Variants in SOS1 observed in about 807,000 individuals in gnomAD.
SOS1 encodes the protein SOS Ras/Rac guanine nucleotide exchange factor 1, also known as son of sevenless homolog 1.
SOS1 carries 25 observed loss-of-function variants against 157.6 expected under a neutral mutation model. The ratio of observed to expected loss-of-function variants is 0.16; its 90% CI spans 0.12 to 0.22. The LOEUF (loss-of-function observed/expected upper bound fraction) is 0.22, where lower values mean the gene tolerates loss of function less well. Among genes scored for constraint, SOS1 ranks in the 10% least tolerant of loss-of-function variants. The pLI, the probability that SOS1 is intolerant of heterozygous loss-of-function variation, is 1.00. For synonymous variants in SOS1, 528 were observed against 534.0 expected (o/e 0.99, Z 0.16); for missense variants, 1,237 against 1,599.1 (o/e 0.77, Z 3.86).
chr2:39,032,780 G>A (rs1037161266), intron 8 of SOS1, among the ~76,000 whole-genome samples: 4 of 152,130 alleles, frequency 2.6e-5, no homozygotes, highest in Non-Finnish European at 4.4e-5. Context: ...TGGCCTACAT[G>A]GTGAAACCCT....
rs10655655 is a variant in SOS1, at chr2:38,985,422, G to GT, written c.*401dup. On this transcript the variant is annotated 3_prime_UTR_variant, in exon 23 of 23. Transcript: ENST00000402219. ...GGAAGATATTAAGATCCCTGTTTAA[G>GT]TTTTTTTTTTTAAAAGTGCATAATT... 2.9e-3 allele frequency: 268 copies of GT among 91,584 alleles called. No homozygotes were observed. The highest frequency in any genetic ancestry group is 5.3e-3 in the East Asian group (25 of 4,736). 5.7% of individuals were successfully genotyped at this position (91,584 alleles called of 1,614,324 possible). A position where few individuals can be genotyped will look rare whatever the true frequency, so the allele number is the denominator to read the frequency against.
At chr2:38,999,443 TCAG>T (rs1274994066) in intron 17 of SOS1, among the ~76,000 whole-genome samples, 1 of 152,152 alleles carries the variant, frequency 6.6e-6, no homozygotes, top group East Asian at 1.9e-4. Context: ...ATTGAACAGA[TCAG>T]CAATAATGAA....
At chr2:39,069,000 C>T (rs899293683) in intron 1 of SOS1, among the ~76,000 whole-genome samples, 8 of 152,084 alleles carry the variant, frequency 5.3e-5, no homozygotes, top group Non-Finnish European at 1.5e-5. Flanking sequence ...TCCTACTACA[C>T]TTCATTAGCT....
chr2:38,988,245 C>G (rs751343591), intron 21 of SOS1, among the ~76,000 whole-genome samples: 1 of 152,024 alleles, frequency 6.6e-6, no homozygotes, highest in Non-Finnish European at 1.5e-5. Flanking sequence ...GCAGCCCTGA[C>G]CATGAAAACA....
At chr2:39,104,823 A>G (rs1189499882) in intron 1 of SOS1, among the ~76,000 whole-genome samples, 2 of 152,210 alleles carry the variant, frequency 1.3e-5, no homozygotes, top group East Asian at 3.8e-4. Flanking sequence ...AAAAATACAA[A>G]TATTTTATTA....
chr2:38,987,165 T>A (rs980848166), intron 22 of SOS1, among the ~76,000 whole-genome samples: 2 of 152,190 alleles, frequency 1.3e-5, no homozygotes, highest in Non-Finnish European at 2.9e-5. Flanking sequence ...CTTCAGGACT[T>A]TCTCTGTATG....
chr2:39,099,908 G>A (rs1210856137), intron 1 of SOS1, among the ~76,000 whole-genome samples: 2 of 151,996 alleles, frequency 1.3e-5, no homozygotes, highest in African/African-American at 4.8e-5. Context: ...GTAGAGATGG[G>A]GTTTCCCCAT....
At chr2:39,031,244 G>A (rs1302625403) in intron 8 of SOS1, among the ~76,000 whole-genome samples, 3 of 152,156 alleles carry the variant, frequency 2.0e-5, no homozygotes, top group African/African-American at 7.2e-5. Flanking sequence ...CTTTCCCCTA[G>A]GTTACAAGGA....
chr2:39,061,355 A>T (rs1671396218), intron 2 of SOS1, among the ~76,000 whole-genome samples: 1 of 151,686 alleles, frequency 6.6e-6, no homozygotes, highest in Non-Finnish European at 1.5e-5. Context: ...ATAAAATAAA[A>T]TTTCTTTCAC....
At chr2:39,047,442 TTTTCCAAA>T (rs1670830558) in intron 6 of SOS1, among the ~76,000 whole-genome samples, 1 of 151,920 alleles carries the variant, frequency 6.6e-6, no homozygotes, top group African/African-American at 2.4e-5. Flanking sequence ...CACCAAACGG[TTTTCCAAA>T]GTGGCTGTAC....
At chr2:39,071,775 G>C (rs956507474) in intron 1 of SOS1, among the ~76,000 whole-genome samples, 15 of 152,164 alleles carry the variant, frequency 9.9e-5, no homozygotes, top group Non-Finnish European at 1.3e-4. Flanking sequence ...ATTTCCAGCT[G>C]CTCTTCAATT....
chr2:39,120,266 T>C (rs1673818829), intron 1 of SOS1, 70 bp downstream of exon 1: 1 of 1,376,696 alleles, frequency 7.3e-7, no homozygotes, highest in Non-Finnish European at 9.6e-7. Context: ...GCGCCCCGCC[T>C]CCCCAGCCCT....
intron 17 of SOS1, among the ~76,000 whole-genome samples, chr2:39,005,992 G>A (rs1669270700): frequency 6.6e-6 from 1 of 152,046 alleles, no homozygotes; most frequent in African/African-American, 2.4e-5. Context: ...AAATAGGAGA[G>A]GATGAAGAGA....
intron 21 of SOS1, among the ~76,000 whole-genome samples, chr2:38,988,638 G>C (rs1314010918): frequency 2.6e-5 from 4 of 151,964 alleles, no homozygotes; most frequent in Non-Finnish European, 1.5e-5. Context: ...AGTTAATTCA[G>C]CTTGTAACTA....
At chr2:39,010,822 A>G in intron 14 of SOS1, 119 bp from the exon 15 acceptor site, 1 of 769,426 alleles carries the variant, frequency 1.3e-6, no homozygotes, top group African/African-American at 1.7e-5. Context: ...TCTTATACCA[A>G]CAGAAAGGTC....
At chr2:39,063,405 C>T (rs1671478935) in intron 2 of SOS1, among the ~76,000 whole-genome samples, 3 of 152,144 alleles carry the variant, frequency 2.0e-5, no homozygotes, top group Non-Finnish European at 2.9e-5. Flanking sequence ...CTTAAGCATC[C>T]ATGGATTTTG....
intron 2 of SOS1, among the ~76,000 whole-genome samples, chr2:39,065,321 G>A (rs564161881): frequency 6.6e-6 from 1 of 152,194 alleles, no homozygotes; most frequent in East Asian, 1.9e-4. Context: ...ACTCCACTGT[G>A]GTGGTATTAA....
intron 1 of SOS1, among the ~76,000 whole-genome samples, chr2:39,104,015 C>T (rs1008602468): frequency 6.6e-6 from 1 of 152,190 alleles, no homozygotes; most frequent in African/African-American, 2.4e-5. Flanking sequence ...CGCAGTGGCT[C>T]ACGCCTGTAA....
chr2:39,054,252 T>C (rs1168616166), intron 5 of SOS1, among the ~76,000 whole-genome samples: 2 of 152,212 alleles, frequency 1.3e-5, no homozygotes, highest in Admixed American at 1.3e-4. Flanking sequence ...CATCTTTGAA[T>C]CCCTGCTGCC....
Sources: gnomAD v4.1 joint callset for allele counts (sites outside exome capture counted in the v4.1 genomes callset) on GRCh38, gnomAD v4.1.1 for gene constraint, MANE v1.5 for transcripts, NCBI Gene and HGNC (gene_info 2026-07-23, HGNC 2026-07-21) for gene names.